ETFDH: variants seen among roughly 807,000 people sequenced by gnomAD.
ETFDH encodes the protein electron transfer flavoprotein dehydrogenase.
Under a neutral mutation model 73.2 loss-of-function variants are expected in ETFDH, and 61 were observed. The observed-to-expected ratio is 0.83, with a 90% CI of 0.68 to 1.03. The LOEUF is 1.03. Among genes scored for constraint, ETFDH ranks in the 50% least tolerant of loss-of-function variants. The pLI, the probability that ETFDH is intolerant of heterozygous loss-of-function variation, is 0.00. For missense variants in ETFDH, 685 were observed against 745.0 expected (o/e 0.92, Z 0.94); for synonymous variants, 243 against 253.3 (o/e 0.96, Z 0.39).
chr4:158,706,423 G>C, intron 11 of ETFDH, 52 bp downstream of exon 11: 1 of 1,400,038 alleles, frequency 7.1e-7, no homozygotes, highest in South Asian at 1.2e-5. Flanking sequence ...TCATGAATGG[G>C]ATCTGTTAAT....
rs532280150 is a variant in ETFDH, at chr4:158,705,544, GT to G, written c.1286-642del. Among the ~76,000 whole-genome samples, 162 of 152,312 alleles carry G rather than the reference GT, an allele frequency of 1.1e-3. 1 individual carries two copies. Among genetic ancestry groups the G allele is most frequent in the African/African-American group, 3.4e-3 (143 of 41,564 alleles). ...TTTCAACCCATAGCAGGTAGAAATA[GT>G]TTGAGTTGTAAATTATGAAATTTCT... On this transcript the variant is annotated intron_variant, in intron 10 of 12. Coordinates refer to ENST00000511912, the MANE Select transcript of ETFDH (RefSeq NM_004453.4).
intron 5 of ETFDH, among the ~76,000 whole-genome samples, chr4:158,689,361 G>T (rs947751814): frequency 6.6e-6 from 1 of 151,796 alleles, no homozygotes; most frequent in East Asian, 1.9e-4. Context: ...CGGTGTCAAA[G>T]TCACAGGTAG....
Position 158,706,721 on chromosome 4 carries a change from T to C in ETFDH, c.1561T>C (p.Ser521Pro). The C allele has an allele frequency of 1.2e-6, 2 of 1,613,998 alleles. No homozygotes were observed. The highest frequency in any genetic ancestry group is 1.7e-6 in the Non-Finnish European group (2 of 1,179,876). The change falls in exon 12 of 13, where the codon TCT becomes CCT. Residue 521 changes from serine to proline, a missense_variant. By Grantham distance (74) the Ser-to-Pro change is moderately conservative (BLOSUM62 -1). Transcript: ENST00000511912. The stretch of plus-strand genomic sequence containing the variant: ...ACAGATCAGTTTTGACCTCTTGTCA[T>C]CTGTGGCTCTGAGTGGTACTAATCA... ...DGQISFDLLS[S>P]VALSGTNHEH...
chr4:158,687,932 T>G (rs967186994), intron 5 of ETFDH, among the ~76,000 whole-genome samples: 2 of 151,598 alleles, frequency 1.3e-5, no homozygotes, highest in Non-Finnish European at 2.9e-5. Flanking sequence ...CCTAGCTACT[T>G]GGGAGGCTGA....
intron 6 of ETFDH, among the ~76,000 whole-genome samples, 165 bp downstream of exon 6, chr4:158,690,590 G>T (rs1774139926): frequency 6.6e-6 from 1 of 152,122 alleles, no homozygotes; most frequent in Non-Finnish European, 1.5e-5. Flanking sequence ...GAAACAGGAG[G>T]ATCACTTGAG....
At position 158,697,651 on chromosome 4, in the gene ETFDH, C is replaced by T. The variant is rs1261212490; in HGVS notation, c.924C>T (p.Phe308=). The change falls in exon 8 of 13, where the codon TTC becomes TTT. Residue 308 remains phenylalanine (F), a synonymous_variant. Transcript: ENST00000511912. ...ACAGACATACCTATGGAGGATCTTT[C>T]CTCTATCATTTGAATGAAGGTGAAC... is the stretch of plus-strand genomic sequence containing the variant. ...PLDRHTYGGS[F]LYHLNEGEPL... 2 of 1,613,230 alleles carry T rather than the reference C, an allele frequency of 1.2e-6. No individual in the cohort carries two copies. Among genetic ancestry groups the T allele is most frequent in the East Asian group, 2.2e-5 (1 of 44,842 alleles).
chr4:158,689,632 A>G (rs1330041835), intron 5 of ETFDH, among the ~76,000 whole-genome samples: 1 of 113,700 alleles, frequency 8.8e-6, no homozygotes, highest in Non-Finnish European at 1.7e-5. Flanking sequence ...ATATATATAT[A>G]TATATTGTGG....
At position 158,697,573 on chromosome 4, in the gene ETFDH, TGAAAA is replaced by T; in HGVS notation, c.850_854del (p.Lys284LeufsTer29). ...TTTTTTTTTAGTTATGGGTTATTGA[TGAAAA>T]GAACTGGAAACCTGGGAGAGTAGAT... is the stretch of plus-strand genomic sequence containing the variant. On this transcript the variant is annotated frameshift_variant, in exon 8 of 13. Transcript: ENST00000511912. LOFTEE classifies it high-confidence loss of function. The T allele has an allele frequency of 6.2e-7, 1 of 1,613,080 alleles. No individual in the cohort carries two copies. Among genetic ancestry groups the T allele is most frequent in the Non-Finnish European group, 8.5e-7 (1 of 1,179,670 alleles).
chr4:158,687,731 C>T (rs896494702), intron 5 of ETFDH, among the ~76,000 whole-genome samples: 1 of 152,136 alleles, frequency 6.6e-6, no homozygotes, highest in Non-Finnish European at 1.5e-5. Context: ...TTATGCATTA[C>T]TGGGGAAATT....
rs1406133441 is a variant in ETFDH at position 158,709,539 on chromosome 4, C to G, written c.*1012C>G. On this transcript the variant is annotated 3_prime_UTR_variant, in exon 13 of 13. Coordinates refer to ENST00000511912, the MANE Select transcript of ETFDH (RefSeq NM_004453.4). Reference sequence around the variant, plus strand: ...AGAGCAAGACTCCATCTCAAAGAAACAAACAAAACCACTTTACTTACTGTA... The same window carrying G: ...AGAGCAAGACTCCATCTCAAAGAAAGAAACAAAACCACTTTACTTACTGTA... The G allele has an allele frequency of 7.2e-6, 3 of 417,418 alleles. No homozygotes were observed. Among genetic ancestry groups the G allele is most frequent in the East Asian group, 3.9e-5 (1 of 25,422 alleles). The allele number at this position is 417,418 out of a possible 1,614,324, so 25.9% of individuals were successfully genotyped here. A position where few individuals can be genotyped will look rare whatever the true frequency, so the allele number is the denominator to read the frequency against.
intron 1 of ETFDH, chr4:158,679,572 A>G (rs1162849818): frequency 6.6e-6 from 1 of 152,162 alleles, no homozygotes; most frequent in East Asian, 1.9e-4. Context: ...GAGTTGAGAA[A>G]ATTCCCATCT....
At chr4:158,707,504 G>C (rs1774660196) in intron 12 of ETFDH, among the ~76,000 whole-genome samples, 2 of 152,116 alleles carry the variant, frequency 1.3e-5, no homozygotes, top group South Asian at 2.1e-4. Flanking sequence ...GAAAATTCCA[G>C]AAACAAATAA....
chr4:158,704,716 T>C (rs924603406), intron 10 of ETFDH, among the ~76,000 whole-genome samples: 2 of 152,196 alleles, frequency 1.3e-5, no homozygotes, highest in Admixed American at 6.6e-5. Context: ...AGCGACTCCA[T>C]AGATATTTGA....
intron 6 of ETFDH, among the ~76,000 whole-genome samples, chr4:158,691,510 A>C (rs1774165616): frequency 6.6e-6 from 1 of 151,522 alleles, no homozygotes; most frequent in African/African-American, 2.4e-5. Context: ...TTTTTATTAG[A>C]GATGGGGTTT....
At chr4:158,688,264 C>T (rs761911173) in intron 5 of ETFDH, among the ~76,000 whole-genome samples, 2 of 150,718 alleles carry the variant, frequency 1.3e-5, no homozygotes, top group Admixed American at 6.6e-5. Flanking sequence ...TGGTGGCAGG[C>T]GCCTGTAGTC....
chr4:158,676,234 T>C (rs1483176767), intron 1 of ETFDH, among the ~76,000 whole-genome samples: 1 of 151,928 alleles, frequency 6.6e-6, no homozygotes. Context: ...AGAGGTGAAA[T>C]CACAGGGAGA....
intron 1 of ETFDH, among the ~76,000 whole-genome samples, chr4:158,673,029 C>T (rs4690907): frequency 6.6e-6 from 1 of 152,146 alleles, no homozygotes; most frequent in Non-Finnish European, 1.5e-5. Flanking sequence ...AAGGGCTGGG[C>T]GTGGTGGCTC....
chr4:158,680,983 C>T (rs529968267), intron 2 of ETFDH, among the ~76,000 whole-genome samples: 14 of 152,252 alleles, frequency 9.2e-5, no homozygotes, highest in African/African-American at 2.9e-4. Flanking sequence ...TGATAATAAA[C>T]GACTGTTACT....
intron 1 of ETFDH, among the ~76,000 whole-genome samples, chr4:158,679,110 G>A (rs1193198044): frequency 6.6e-6 from 1 of 151,892 alleles, no homozygotes; most frequent in Non-Finnish European, 1.5e-5. Context: ...ATTTGAAATG[G>A]TATCTTTATT....
Sources: gnomAD v4.1 joint callset for allele counts (sites outside exome capture counted in the v4.1 genomes callset) on GRCh38, gnomAD v4.1.1 for gene constraint, MANE v1.5 for transcripts, NCBI Gene and HGNC (gene_info 2026-07-23, HGNC 2026-07-21) for gene names.